Variants in AXIN1 observed in about 807,000 individuals in gnomAD.
AXIN1 encodes axin-1.
Under a neutral mutation model 76.4 loss-of-function variants are expected in AXIN1, and 30 were observed. The ratio of observed to expected loss-of-function variants is 0.39; its 90% CI spans 0.29 to 0.53. The LOEUF is 0.53. AXIN1 is among the 20% of genes least tolerant of loss of function. The probability of loss-of-function intolerance (pLI) is 0.66; values close to 1 mark genes in which losing one functional copy is unlikely to be tolerated. For synonymous variants in AXIN1, 545 were observed against 501.4 expected (o/e 1.09, Z -1.16); for missense variants, 1,140 against 1,198.8 (o/e 0.95, Z 0.72).
intron 1 of AXIN1, among the ~76,000 whole-genome samples, chr16:348,820 C>T (rs1049423742): frequency 1.5e-4 from 23 of 151,230 alleles, no homozygotes; most frequent in African/African-American, 4.1e-4. Flanking sequence ...AAAAATAGGC[C>T]GGGCACAGTG....
At chr16:303,121 C>T (rs1377358048) in intron 5 of AXIN1, among the ~76,000 whole-genome samples, 2 of 152,122 alleles carry the variant, frequency 1.3e-5, no homozygotes, top group Non-Finnish European at 1.5e-5. Context: ...CTCAGCCTCC[C>T]ATAGTGTTGG....
intron 2 of AXIN1, among the ~76,000 whole-genome samples, chr16:320,897 G>A (rs879454474): frequency 1.2e-4 from 18 of 151,374 alleles, no homozygotes; most frequent in South Asian, 2.1e-4. Flanking sequence ...ACGTCACCAC[G>A]CCCGGCTAAT....
intron 5 of AXIN1, among the ~76,000 whole-genome samples, 170 bp from the exon 6 acceptor site, chr16:298,421 G>T (rs1317229903): frequency 6.6e-6 from 1 of 152,382 alleles, no homozygotes. Flanking sequence ...GCAGGACGGG[G>T]CATAGACAGA....
intron 1 of AXIN1, among the ~76,000 whole-genome samples, chr16:348,658 C>G (rs558267251): frequency 2.0e-5 from 3 of 152,248 alleles, no homozygotes; most frequent in African/African-American, 7.2e-5. Flanking sequence ...TCTTAATTAG[C>G]CGGGTATGGT....
At chr16:321,774 C>T (rs1427779165) in intron 2 of AXIN1, among the ~76,000 whole-genome samples, 2 of 152,012 alleles carry the variant, frequency 1.3e-5, no homozygotes, top group African/African-American at 4.8e-5. Context: ...TTCCAACCCA[C>T]GAAGGGTTAA....
At chr16:298,952 A>G (rs2052793696) in intron 5 of AXIN1, 1 of 424,184 alleles carries the variant, frequency 2.4e-6, no homozygotes, top group African/African-American at 2.2e-5. Context: ...TATTTTTAGT[A>G]GAGACAGGAT....
intron 7 of AXIN1, among the ~76,000 whole-genome samples, chr16:295,749 G>A (rs1357642509): frequency 6.6e-6 from 1 of 151,498 alleles, no homozygotes; most frequent in Non-Finnish European, 1.5e-5. Context: ...ATCACCAAAG[G>A]TTGGGAGTTC....
intron 3 of AXIN1, among the ~76,000 whole-genome samples, chr16:312,878 A>G (rs959008039): frequency 6.6e-6 from 1 of 152,252 alleles, no homozygotes; most frequent in East Asian, 1.9e-4. Context: ...AAAAATGTTT[A>G]AAGACAGGCA....
chr16:347,851 C>T (rs538195504), intron 1 of AXIN1, among the ~76,000 whole-genome samples: 64 of 152,356 alleles, frequency 4.2e-4, no homozygotes, highest in Admixed American at 9.8e-4. Context: ...TCTTAAAATG[C>T]TCTGTCAGAA....
At chr16:346,042 G>A (rs1366193696) in intron 2 of AXIN1, 106 bp downstream of exon 2, 2 of 1,106,356 alleles carry the variant, frequency 1.8e-6, no homozygotes, top group Admixed American at 2.0e-5. Context: ...AGCGGCAGCA[G>A]GACATCCGGT....
rs1180223722 is a variant in AXIN1 at position 334,804 on chromosome 16, G to C, written c.878+11344C>G. On this transcript the variant is annotated intron_variant, in intron 2 of 10. Transcript: ENST00000262320. The stretch of plus-strand genomic sequence containing the variant: ...AGTGCCACAGCATGCCAATAACACA[G>C]CACCCAGCACCATGGCATGCCAAAA... Among the ~76,000 whole-genome samples the C allele has an allele frequency of 3.3e-5, 5 of 151,324 alleles. 1 individual carries two copies. Among genetic ancestry groups the C allele is most frequent in the Admixed American group, 1.3e-4 (2 of 15,180 alleles).
chr16:306,156 C>A (rs2053018935), intron 4 of AXIN1, among the ~76,000 whole-genome samples: 1 of 152,050 alleles, frequency 6.6e-6, no homozygotes, highest in Admixed American at 6.6e-5. Context: ...GGCACACACA[C>A]CCACACACAC....
chr16:288,952 G>C (rs2052471848), intron 10 of AXIN1, among the ~76,000 whole-genome samples: 1 of 152,246 alleles, frequency 6.6e-6, no homozygotes. Flanking sequence ...GCCCTGGACG[G>C]GGGTCCCTTT....
chr16:346,060 A>T (rs2141699148), intron 2 of AXIN1, 88 bp downstream of exon 2: 1 of 1,362,266 alleles, frequency 7.3e-7, no homozygotes, highest in Non-Finnish European at 1.0e-6. Context: ...GGTGTGGGTT[A>T]ACGCCCGCCT....
rs560177973 is a variant in AXIN1 at position 328,464 on chromosome 16, G to A, written c.879-13781C>T. Among the ~76,000 whole-genome samples the A allele has an allele frequency of 1.2e-4, 19 of 152,186 alleles. No homozygotes were observed. In the East Asian group the frequency reaches 2.7e-3, roughly 22 times the overall value. On this transcript the variant is annotated intron_variant, in intron 2 of 10. Transcript: ENST00000262320. ...TAATCCCAATACTTTGGGAGGCCGC[G>A]GCGGGCGGATCACCTGAGGTTGGGA...
At chr16:288,404 G>C (rs962752328) in intron 10 of AXIN1, 156 bp from the exon 11 acceptor site, 1 of 1,114,216 alleles carries the variant, frequency 9.0e-7, no homozygotes, top group African/African-American at 1.5e-5. Flanking sequence ...CAGGGCAACA[G>C]TGAACAGTGC....
rs557571334 is a variant in AXIN1, at chr16:327,654, G to A, written c.879-12971C>T. ...GGCAGCCACCCACACCTGCCATCCC[G>A]GGAGTCCAACAGCTCAAACTGTGGC... On this transcript the variant is annotated intron_variant, in intron 2 of 10. Coordinates refer to ENST00000262320, the MANE Select transcript of AXIN1 (RefSeq NM_003502.4). Among the ~76,000 whole-genome samples the A allele has an allele frequency of 3.7e-4, 56 of 152,350 alleles. No homozygotes were observed. In the Middle Eastern group the frequency reaches 0.014, roughly 37 times the overall value.
rs759343931 is a variant in AXIN1 at position 297,753 on chromosome 16, C to A, written c.1753G>T (p.Ala585Ser). 23 of 1,596,376 alleles carry A rather than the reference C, an allele frequency of 1.4e-5. No homozygotes were observed. The highest frequency in any genetic ancestry group is 1.7e-4 in the Middle Eastern group (1 of 6,026). The change falls in exon 6 of 11, where the codon GCC (alanine) becomes TCC (serine). Residue 585 changes from alanine (A) to serine (S), a missense_variant. Transcript: ENST00000262320. ...SRGYSESVGA[A>S]PNASDGLAHS... ...GCGAGGCCATCACTGGCGTTGGGGG[C>A]AGCGCCAACACTCTCTGAGTAGCCT... is the stretch of plus-strand genomic sequence containing the variant.
chr16:326,654 G>C (rs2053590713), intron 2 of AXIN1, among the ~76,000 whole-genome samples: 1 of 150,278 alleles, frequency 6.7e-6, no homozygotes, highest in Non-Finnish European at 1.5e-5. Context: ...GCTGAAGCAG[G>C]AGAATCACTT....
Sources: gnomAD v4.1 joint callset for allele counts (sites outside exome capture counted in the v4.1 genomes callset) on GRCh38, gnomAD v4.1.1 for gene constraint, MANE v1.5 for transcripts, NCBI Gene and HGNC (gene_info 2026-07-23, HGNC 2026-07-21) for gene names.